TYW1B: variants seen among roughly 807,000 people sequenced by gnomAD.
TYW1B encodes the protein tRNA-yW synthesizing protein 1 homolog B.
TYW1B carries 73 observed loss-of-function variants against 86.9 expected under a neutral mutation model. The ratio of observed to expected loss-of-function variants is 0.84; its 90% CI spans 0.70 to 1.02. TYW1B has a LOEUF of 1.02. Among genes scored for constraint, TYW1B ranks in the 50% least tolerant of loss-of-function variants. The pLI is 0.00. For missense variants in TYW1B, 637 were observed against 827.4 expected (o/e 0.77, Z 2.82); for synonymous variants, 248 against 292.8 (o/e 0.85, Z 1.56).
chr7:72,804,740 TGA>T (rs1451062578), intron 5 of TYW1B, among the ~76,000 whole-genome samples: 2 of 151,878 alleles, frequency 1.3e-5, no homozygotes, highest in African/African-American at 4.8e-5. Flanking sequence ...CTCAGGAGGC[TGA>T]GATAGGAGGA....
intron 6 of TYW1B, among the ~76,000 whole-genome samples, chr7:72,777,807 T>C (rs1352588283): frequency 6.6e-6 from 1 of 152,030 alleles, no homozygotes; most frequent in Non-Finnish European, 1.5e-5. Context: ...TCCCAGCTAC[T>C]CAGGAGGCTG....
At chr7:72,814,401 G>A (rs1245108551) in intron 3 of TYW1B, among the ~76,000 whole-genome samples, 5 of 151,828 alleles carry the variant, frequency 3.3e-5, no homozygotes, top group East Asian at 1.9e-4. Context: ...TGGCTAACAC[G>A]GTGAAACCCC....
chr7:72,791,328 A>C (rs1422088606), intron 6 of TYW1B, among the ~76,000 whole-genome samples: 1 of 151,700 alleles, frequency 6.6e-6, no homozygotes, highest in Non-Finnish European at 1.5e-5. Context: ...CTTTAGACTC[A>C]TTATAAGTTG....
chr7:72,620,399 A>C (rs531274235), intron 12 of TYW1B, among the ~76,000 whole-genome samples: 2 of 152,282 alleles, frequency 1.3e-5, no homozygotes, highest in African/African-American at 4.8e-5. Flanking sequence ...TCTGTCTCAA[A>C]ACAAAACAAA....
chr7:72,594,497 G>A (rs1811480365), intron 13 of TYW1B, among the ~76,000 whole-genome samples: 1 of 152,184 alleles, frequency 6.6e-6, no homozygotes, highest in Non-Finnish European at 1.5e-5. Flanking sequence ...CTATTACGGA[G>A]ATTAAATCAG....
At chr7:72,809,571 T>C (rs1259355839) in intron 4 of TYW1B, among the ~76,000 whole-genome samples, 2 of 152,084 alleles carry the variant, frequency 1.3e-5, no homozygotes, top group African/African-American at 4.8e-5. Flanking sequence ...GAGGATCCCT[T>C]CAGCCTAGGA....
intron 11 of TYW1B, among the ~76,000 whole-genome samples, chr7:72,638,029 A>C: frequency 6.6e-6 from 1 of 151,722 alleles, no homozygotes; most frequent in Non-Finnish European, 1.5e-5. Flanking sequence ...GTTTGGGTTT[A>C]TGTTTTCCTG....
At chr7:72,717,943 C>CA (rs1207594881) in intron 9 of TYW1B, among the ~76,000 whole-genome samples, 1 of 152,046 alleles carries the variant, frequency 6.6e-6, no homozygotes, top group African/African-American at 2.4e-5. Context: ...AACTACCATC[C>CA]AACCTAGCAA....
rs1252501034 is a variant in TYW1B, at chr7:72,595,578, G to A, written c.1786-19859C>T. Among the ~76,000 whole-genome samples, 19 of 152,268 alleles carry A rather than the reference G, an allele frequency of 1.2e-4. 2 individuals are homozygous for A. Among genetic ancestry groups the A allele is most frequent in the Middle Eastern group, 6.8e-3 (2 of 294 alleles). ...TGCACTTGTAGTCCCAGCTACTCAGGAGGCTGAGGTGGGAGGATCTCTTGA... is the reference window on the plus strand; with the variant it reads ...TGCACTTGTAGTCCCAGCTACTCAGAAGGCTGAGGTGGGAGGATCTCTTGA... On this transcript the variant is annotated intron_variant, in intron 13 of 13. Transcript: ENST00000620995.
intron 8 of TYW1B, among the ~76,000 whole-genome samples, chr7:72,741,253 A>C (rs1287678890): frequency 2.0e-5 from 3 of 152,176 alleles, no homozygotes; most frequent in African/African-American, 4.8e-5. Context: ...TGTCTAAACA[A>C]ATCCAGAATA....
At chr7:72,728,441 G>A (rs1787045016) in intron 9 of TYW1B, among the ~76,000 whole-genome samples, 1 of 152,030 alleles carries the variant, frequency 6.6e-6, no homozygotes, top group African/African-American at 2.4e-5. Context: ...CAAGTAGCTG[G>A]GATTACAGGC....
intron 6 of TYW1B, among the ~76,000 whole-genome samples, chr7:72,799,479 C>A (rs67767367): frequency 6.7e-6 from 1 of 149,714 alleles, no homozygotes; most frequent in Admixed American, 6.6e-5. Flanking sequence ...GCCTTTTTTT[C>A]TTTTGAGACG....
chr7:72,714,449 T>A (rs2844062), intron 9 of TYW1B, among the ~76,000 whole-genome samples: 3 of 147,720 alleles, frequency 2.0e-5, no homozygotes, highest in Middle Eastern at 3.6e-3. Context: ...AGACCTTGCC[T>A]CTACTAAAAA....
chr7:72,735,462 T>G (rs1173287199), intron 8 of TYW1B, among the ~76,000 whole-genome samples: 1 of 151,710 alleles, frequency 6.6e-6, no homozygotes, highest in African/African-American at 2.4e-5. Context: ...ATCCCACTTA[T>G]TCAGGAGGCT....
chr7:72,587,407 G>A (rs1554430670), intron 13 of TYW1B, among the ~76,000 whole-genome samples: 2 of 152,162 alleles, frequency 1.3e-5, no homozygotes, highest in Non-Finnish European at 2.9e-5. Context: ...CGGTGTCCCT[G>A]AGCATTCAGG....
chr7:72,583,129 A>G (rs773770392), intron 13 of TYW1B, among the ~76,000 whole-genome samples: 33 of 152,230 alleles, frequency 2.2e-4, no homozygotes, highest in Non-Finnish European at 4.4e-4. Flanking sequence ...TTGGGAGGCC[A>G]AGGTGGGTGG....
chr7:72,815,601 T>C (rs1213241816), intron 2 of TYW1B, 120 bp from the exon 3 acceptor site: 4 of 816,306 alleles, frequency 4.9e-6, no homozygotes, highest in Non-Finnish European at 7.8e-6. Flanking sequence ...GTGACTGATA[T>C]GAACCCAAAT....
intron 9 of TYW1B, among the ~76,000 whole-genome samples, chr7:72,721,803 T>C (rs1475725254): frequency 6.6e-6 from 1 of 152,190 alleles, no homozygotes; most frequent in Non-Finnish European, 1.5e-5. Flanking sequence ...TCTGAACATC[T>C]TTCTGATCTT....
chr7:72,661,145 AAAGAAG>A (rs1385642279), intron 11 of TYW1B, among the ~76,000 whole-genome samples: 1 of 150,404 alleles, frequency 6.6e-6, no homozygotes, highest in African/African-American at 2.4e-5. Flanking sequence ...CAAAAAAAAA[AAAGAAG>A]AAGAAGAAGA....
Sources: allele counts gnomAD v4.1 joint callset (sites outside exome capture counted in the v4.1 genomes callset), GRCh38; gene constraint gnomAD v4.1.1; transcripts MANE v1.5; gene names NCBI Gene and HGNC (gene_info 2026-07-23, HGNC 2026-07-21).